SPOCD1: variants seen among roughly 807,000 people sequenced by gnomAD.
SPOCD1 encodes SPOC domain-containing protein 1.
A neutral mutation model predicts 92.2 loss-of-function variants in SPOCD1; 64 were observed. The ratio of observed to expected loss-of-function variants is 0.69; its 90% CI spans 0.57 to 0.86. SPOCD1 has a LOEUF of 0.86. Ranked by LOEUF, SPOCD1 falls within the 40% of genes least tolerant of loss-of-function variation. SPOCD1 has a pLI of 0.00. For synonymous variants in SPOCD1, 578 were observed against 619.3 expected (o/e 0.93, Z 0.99); for missense variants, 1,360 against 1,543.1 (o/e 0.88, Z 1.99).
At chr1:31,796,240 A>G (rs1648009330) in intron 10 of SPOCD1, 1 of 378,786 alleles carries the variant, frequency 2.6e-6, no homozygotes, top group South Asian at 2.2e-5. Flanking sequence ...CATCTGAAAA[A>G]GTCACTGCCT....
At chr1:31,801,590 T>C (rs532598864) in intron 3 of SPOCD1, 74 bp downstream of exon 3, 5 of 1,388,794 alleles carry the variant, frequency 3.6e-6, no homozygotes, top group Non-Finnish European at 5.1e-6. Flanking sequence ...ACATCTACTG[T>C]GGAGGAGCCC....
chr1:31,800,064 G>A lies in SPOCD1; in HGVS notation c.1680C>T (p.Ser560=), dbSNP rs375453356. 120 of 1,609,518 alleles carry A rather than the reference G, an allele frequency of 7.5e-5. No individual in the cohort carries two copies. The highest frequency in any genetic ancestry group is 9.4e-5 in the African/African-American group (7 of 74,606). ...TGGGGTCGCCAAGGGCCAGGGAACC[G>A]CTTCTTGGAGGGTAGAAGGGGTCAG... ...GLSDPFYPPR[S]GSLALGDPSS... is the part of the protein sequence containing the mutation. The change falls in exon 5 of 16, where the codon AGC becomes AGT. Residue 560 remains serine (S), a synonymous_variant. Coordinates refer to ENST00000360482, the MANE Select transcript of SPOCD1 (RefSeq NM_144569.7).
chr1:31,801,776 A>C, intron 2 of SPOCD1, 71 bp from the exon 3 acceptor site: 1 of 1,265,468 alleles, frequency 7.9e-7, no homozygotes, highest in Non-Finnish European at 1.2e-6. Flanking sequence ...GAATTCACAA[A>C]AAGAAGACAA....
chr1:31,794,102 C>G, intron 11 of SPOCD1, 22 bp downstream of exon 11: 1 of 1,607,302 alleles, frequency 6.2e-7, no homozygotes. Context: ...CACCCCTGCA[C>G]CCCTCCCGTG....
intron 6 of SPOCD1, 143 bp downstream of exon 6, chr1:31,799,666 C>A: frequency 8.5e-7 from 1 of 1,181,848 alleles, no homozygotes; most frequent in Non-Finnish European, 1.2e-6. Flanking sequence ...CCTTCCCCCA[C>A]CCCTTTGGGG....
At position 31,815,052 on chromosome 1, in the gene SPOCD1, C is replaced by G; in HGVS notation, c.282G>C (p.Ser94=). The G allele has an allele frequency of 3.1e-6, 5 of 1,613,842 alleles. No homozygotes were observed. Among genetic ancestry groups the G allele is most frequent in the Non-Finnish European group, 4.2e-6 (5 of 1,180,034 alleles). Residue 94 remains serine (S), a synonymous_variant, in exon 2 of 16, where the codon TCG becomes TCC. Transcript: ENST00000360482. The part of the protein sequence containing the change: ...ELLAVVQSRG[S]MLAPGLHMQL... ...GCATGTGGAGCCCAGGAGCCAGCAT[C>G]GAGCCCCGGCTCTGTACCACAGCTA...
At chr1:31,797,729 C>T (rs1264617905) in intron 9 of SPOCD1, among the ~76,000 whole-genome samples, 1 of 152,218 alleles carries the variant, frequency 6.6e-6, no homozygotes, top group Non-Finnish European at 1.5e-5. Context: ...GCTTCCCTGT[C>T]CCAGAGCAGT....
intron 7 of SPOCD1, among the ~76,000 whole-genome samples, chr1:31,799,184 C>T (rs1457411405): frequency 6.6e-6 from 1 of 152,204 alleles, no homozygotes; most frequent in Non-Finnish European, 1.5e-5. Context: ...CTGAGAGCTG[C>T]AGCAGCTAAG....
At chr1:31,815,638 T>TA (rs1014015980) in intron 1 of SPOCD1, 1 of 306,290 alleles carries the variant, frequency 3.3e-6, no homozygotes, top group African/African-American at 2.1e-5. Context: ...TTCGCTTAAA[T>TA]GGGACCTAAT....
chr1:31,805,200 G>A (rs1329665418), intron 2 of SPOCD1, among the ~76,000 whole-genome samples: 2 of 151,604 alleles, frequency 1.3e-5, no homozygotes, highest in African/African-American at 4.8e-5. Context: ...TAGCCAGGAT[G>A]GTCTCCATCT....
In SPOCD1 at chr1:31,798,758, C is replaced by A. The variant is rs759546981; in HGVS notation, c.1869-157G>T. On this transcript the variant is annotated intron_variant, in intron 7 of 15. Coordinates refer to ENST00000360482, the MANE Select transcript of SPOCD1 (RefSeq NM_144569.7). This position sits in a 1 kb window ranked among gnomAD's most constrained non-coding sequence, Gnocchi z 4.1. ...GAACCTACTTATTCTCACCCCAACT[C>A]CGTGAGGAGGAAATAGGATCATTCT... 9.8e-6 allele frequency: 7 copies of A among 712,460 alleles called. No individual in the cohort carries two copies. The highest frequency in any genetic ancestry group is 1.6e-5 in the Non-Finnish European group (7 of 435,902). 44.1% of individuals were successfully genotyped at this position (712,460 alleles called of 1,614,324 possible).
rs186429897 is a variant in SPOCD1, at chr1:31,808,786, C to T, written c.1383+5165G>A. On this transcript the variant is annotated intron_variant, in intron 2 of 15. Transcript: ENST00000360482. ...TGTCTACATAGAAAACAAACAAAAT[C>T]CAAATAGATAAATTATATAGATTAA... 1.8e-3 allele frequency among the ~76,000 whole-genome samples: 273 copies of T among 151,070 alleles called. 4 individuals carry two copies. The highest frequency in any genetic ancestry group is 6.3e-3 in the African/African-American group (262 of 41,408).
In SPOCD1 at chr1:31,793,870, C is replaced by G. The variant is rs761439157; in HGVS notation, c.2411G>C (p.Gly804Ala). 13 of 1,613,048 alleles carry G rather than the reference C, an allele frequency of 8.1e-6. No homozygotes were observed. Among genetic ancestry groups the G allele is most frequent in the Admixed American group, 3.3e-5 (2 of 59,974 alleles). ...GCAGCTCTTGGCGGCTTCGAAGGAG[C>G]CTAGCAGCTCATTCGAGGGCTCCCA... is the stretch of plus-strand genomic sequence containing the variant. ...KDWEPSNELL[G>A]SFEAAKSCGD... Residue 804 changes from glycine to alanine, a missense_variant, in exon 12 of 16, where the codon GGC becomes GCC. Gly to Ala is a moderately conservative substitution (Grantham distance 60, BLOSUM62 0). This residue lies in a region of SPOCD1 where 614 missense variants were observed against 757.8 expected (regional missense o/e 0.81). Transcript: ENST00000360482.
At chr1:31,805,641 T>C (rs1648773264) in intron 2 of SPOCD1, among the ~76,000 whole-genome samples, 1 of 151,784 alleles carries the variant, frequency 6.6e-6, no homozygotes. Flanking sequence ...GGTGGGAGAA[T>C]TGTGAGCCCG....
chr1:31,796,768 C>T, intron 9 of SPOCD1, 53 bp from the exon 10 acceptor site: 1 of 1,611,078 alleles, frequency 6.2e-7, no homozygotes, highest in South Asian at 1.1e-5. Flanking sequence ...CTCTGGCCAT[C>T]AAAAGCCCAA....
In SPOCD1 at chr1:31,790,983, T is replaced by C. The variant is rs1379438267; in HGVS notation, c.3271A>G (p.Arg1091Gly). The C allele has an allele frequency of 6.3e-7, 1 of 1,581,464 alleles. No homozygotes were observed. Among genetic ancestry groups the C allele is most frequent in the African/African-American group, 1.4e-5 (1 of 73,764 alleles). The change falls in exon 16 of 16, where the codon AGA becomes GGA. Residue 1091 changes from arginine to glycine, a missense_variant. Around this residue, in one of 3 missense-constraint regions of SPOCD1, gnomAD observed 614 missense variants for 757.8 expected, o/e 0.81. Transcript: ENST00000360482. ...RGISAWQRPP[R>G]GRGRLWPEPE... Reference sequence around the variant, plus strand: ...TCTGGCCAGAGCCTCCCCCTGCCTCTGGGGGGCCTCTGCCAAGCAGAGATT... The same window carrying C: ...TCTGGCCAGAGCCTCCCCCTGCCTCCGGGGGGCCTCTGCCAAGCAGAGATT...
chr1:31,798,934 A>T lies in SPOCD1; in HGVS notation c.1869-333T>A, dbSNP rs1241865079. On this transcript the variant is annotated intron_variant, in intron 7 of 15. Transcript: ENST00000360482. The surrounding 1 kb of genome is among the most constrained non-coding windows in gnomAD (Gnocchi z 4.1). ...GCTCACGGGATGTGTGGAGGGGAGG[A>T]AGCCGGGGTCAGGTCAGAGTAAGGC... 1 of 552,714 alleles carries T rather than the reference A, an allele frequency of 1.8e-6. No individual in the cohort carries two copies. The highest frequency in any genetic ancestry group is 1.9e-5 in the African/African-American group (1 of 52,546). 34.2% of individuals were successfully genotyped at this position (552,714 alleles called of 1,614,324 possible).
intron 15 of SPOCD1, 199 bp downstream of exon 15, chr1:31,792,016 G>C (rs1647628604): frequency 1.6e-6 from 1 of 623,892 alleles, no homozygotes; most frequent in South Asian, 2.0e-5. Flanking sequence ...TCTAGGTAAA[G>C]CTTTTAGAAC....
At chr1:31,811,545 C>T (rs1649198110) in intron 2 of SPOCD1, among the ~76,000 whole-genome samples, 1 of 152,290 alleles carries the variant, frequency 6.6e-6, no homozygotes, top group African/African-American at 2.4e-5. Flanking sequence ...ATCTAAATGT[C>T]TGAAGACATG....
Sources: gnomAD v4.1 joint callset for allele counts (sites outside exome capture counted in the v4.1 genomes callset) on GRCh38, gnomAD v4.1.1 for gene constraint, gnomAD v4.1.1 regional missense constraint, Gnocchi (gnomAD v3.1) non-coding constraint, MANE v1.5 for transcripts, NCBI Gene and HGNC (gene_info 2026-07-23, HGNC 2026-07-21) for gene names.